Variants in LARP4B observed in about 807,000 individuals in gnomAD.
The protein encoded by LARP4B is La ribonucleoprotein 4B.
LARP4B carries 12 observed loss-of-function variants against 89.8 expected under a neutral mutation model. The observed-to-expected ratio is 0.13, with a 90% CI of 0.09 to 0.22. LARP4B has a LOEUF of 0.22. LARP4B is among the 10% of genes least tolerant of loss of function. LARP4B has a pLI of 1.00. For synonymous variants in LARP4B, 367 were observed against 363.3 expected (o/e 1.01, Z -0.12); for missense variants, 757 against 947.7 (o/e 0.80, Z 2.64).
chr10:870,795 A>G (rs1835162928), intron 3 of LARP4B, among the ~76,000 whole-genome samples: 2 of 152,210 alleles, frequency 1.3e-5, no homozygotes, highest in Non-Finnish European at 1.5e-5. Context: ...ATTGATTCAG[A>G]GGAAATTCCC....
chr10:833,455 A>G (rs2131680237), intron 8 of LARP4B, among the ~76,000 whole-genome samples: 1 of 152,308 alleles, frequency 6.6e-6, no homozygotes, highest in East Asian at 1.9e-4. Flanking sequence ...TACACATTTA[A>G]TCCCAAACAA....
Position 847,397 on chromosome 10 carries a change from G to A in LARP4B, c.431-2342C>T, listed in dbSNP as rs554160161. Among the ~76,000 whole-genome samples, 6 of 152,224 alleles carry A rather than the reference G, an allele frequency of 3.9e-5. No homozygotes were observed. In the East Asian group the frequency reaches 9.7e-4, roughly 25 times the overall value. On this transcript the variant is annotated intron_variant, in intron 5 of 17. Transcript: ENST00000316157. The stretch of plus-strand genomic sequence containing the variant: ...CTGCCTCCAGGTAGATGGAGTCACA[G>A]GGGCTAGGTTAACTTTCCCTTTAAA...
At position 850,147 on chromosome 10, in the gene LARP4B, A is replaced by G. The variant is rs563074528; in HGVS notation, c.431-5092T>C. Among the ~76,000 whole-genome samples the G allele has an allele frequency of 8.7e-4, 132 of 152,308 alleles. 1 individual carries two copies. Among genetic ancestry groups the G allele is most frequent in the Non-Finnish European group, 1.6e-3 (110 of 68,018 alleles). On this transcript the variant is annotated intron_variant, in intron 5 of 17. Transcript: ENST00000316157. ...GAATTCTGTGTGTTCAATCATCTCA[A>G]TTTTTCTAAGTCTAAAACTATTCTA...
At chr10:961,592 GT>G in the LARP4B span, among the ~76,000 whole-genome samples, 5 of 138,418 alleles carry the variant, frequency 3.6e-5, no homozygotes, top group Non-Finnish European at 7.6e-5. Context: ...CCTCGGGAAG[GT>G]CCACTCATGG....
At chr10:908,478 A>C (rs1262497273) in intron 1 of LARP4B, among the ~76,000 whole-genome samples, 1 of 152,216 alleles carries the variant, frequency 6.6e-6, no homozygotes, top group East Asian at 1.9e-4. Flanking sequence ...ATGGGTAAAC[A>C]ACCTGTGGCG....
the LARP4B span, among the ~76,000 whole-genome samples, chr10:974,199 A>T: frequency 1.3e-5 from 2 of 150,422 alleles, no homozygotes; most frequent in Non-Finnish European, 3.0e-5. Flanking sequence ...GCACGGGGTA[A>T]CCAGGAGGGG....
At chr10:907,482 G>A (rs1836524973) in intron 1 of LARP4B, among the ~76,000 whole-genome samples, 1 of 152,144 alleles carries the variant, frequency 6.6e-6, no homozygotes. Flanking sequence ...CCGTTTAAGT[G>A]TGCACCTGGG....
chr10:953,919 G>A, the LARP4B span, among the ~76,000 whole-genome samples: 1 of 152,246 alleles, frequency 6.6e-6, no homozygotes, highest in African/African-American at 2.4e-5. Context: ...AAGCTCCAAG[G>A]AAAGACGGGA....
At chr10:922,098 G>A (rs1465105477) in intron 1 of LARP4B, among the ~76,000 whole-genome samples, 4 of 152,176 alleles carry the variant, frequency 2.6e-5, no homozygotes, top group African/African-American at 9.7e-5. Flanking sequence ...GGGGGGTGGT[G>A]AGGAGGATGC....
intron 1 of LARP4B, among the ~76,000 whole-genome samples, chr10:917,005 C>T (rs1245221740): frequency 6.6e-6 from 1 of 152,096 alleles, no homozygotes; most frequent in African/African-American, 2.4e-5. Context: ...GTGGTAAGTA[C>T]TCTTGAATAC....
At chr10:918,571 C>T (rs1836889973) in intron 1 of LARP4B, among the ~76,000 whole-genome samples, 1 of 146,398 alleles carries the variant, frequency 6.8e-6, no homozygotes, top group East Asian at 2.0e-4. Flanking sequence ...GAGGTCAAGA[C>T]CACAATAAGC....
At chr10:950,660 C>T in the LARP4B span, among the ~76,000 whole-genome samples, 2 of 152,132 alleles carry the variant, frequency 1.3e-5, no homozygotes, top group Admixed American at 1.3e-4. Context: ...TTTAGGCTTT[C>T]TTTGATTTCT....
At chr10:964,215 C>T in the LARP4B span, among the ~76,000 whole-genome samples, 10 of 152,002 alleles carry the variant, frequency 6.6e-5, no homozygotes, top group African/African-American at 1.2e-4. Flanking sequence ...TACAGGCGCC[C>T]GCCACCACGC....
In LARP4B at chr10:833,869, C is replaced by A. The variant is rs553035063; in HGVS notation, c.750+2534G>T. Among the ~76,000 whole-genome samples the A allele has an allele frequency of 2.4e-3, 305 of 129,466 alleles. 3 individuals carry two copies. The highest frequency in any genetic ancestry group is 1.0e-3 in the Non-Finnish European group (65 of 63,486). The allele number at this position is 129,466 out of a possible 152,430, so 84.9% of individuals were successfully genotyped here. A position where few individuals can be genotyped will look rare whatever the true frequency, so the allele number is the denominator to read the frequency against. On this transcript the variant is annotated intron_variant, in intron 8 of 17. Transcript: ENST00000316157. ...ACACCACTGCACTCCAGCCTGGCAA[C>A]AGAGCAAGATGCCACCTCAAAAAAA...
intron 5 of LARP4B, among the ~76,000 whole-genome samples, chr10:852,164 T>C (rs373739519): frequency 6.6e-6 from 1 of 152,152 alleles, no homozygotes; most frequent in African/African-American, 2.4e-5. Context: ...GAGGGTGAAA[T>C]AATACGTAAC....
chr10:959,828 ACCTCCTCGTCATTCCCACCT>A, the LARP4B span, among the ~76,000 whole-genome samples: 1 of 52,044 alleles, frequency 1.9e-5, no homozygotes, highest in South Asian at 7.2e-4. Context: ...CGTCATTCCC[ACCTCCTCGTCATTCCCACCT>A]CCTCGTCAAT....
chr10:960,633 G>A, the LARP4B span, among the ~76,000 whole-genome samples: 2 of 143,564 alleles, frequency 1.4e-5, no homozygotes, highest in Non-Finnish European at 3.0e-5. Context: ...ACTTGAACCT[G>A]GGAGGTGGAG....
At chr10:941,399 C>T in the LARP4B span, among the ~76,000 whole-genome samples, 17 of 152,238 alleles carry the variant, frequency 1.1e-4, no homozygotes, top group African/African-American at 4.1e-4. Context: ...ACTGCAACCT[C>T]TGCTCCTGGG....
At chr10:862,165 A>G (rs1834645173) in intron 5 of LARP4B, among the ~76,000 whole-genome samples, 1 of 152,054 alleles carries the variant, frequency 6.6e-6, no homozygotes, top group Non-Finnish European at 1.5e-5. Flanking sequence ...TTATATTTAC[A>G]AGAAACAAGC....
Sources: gnomAD v4.1 joint callset for allele counts (sites outside exome capture counted in the v4.1 genomes callset) on GRCh38, gnomAD v4.1.1 for gene constraint, MANE v1.5 for transcripts, NCBI Gene and HGNC (gene_info 2026-07-23, HGNC 2026-07-21) for gene names.